The following ATP8B1 variants were observed in gnomAD, a reference collection of about 807,000 sequenced individuals.
ATP8B1 encodes the protein phospholipid-transporting ATPase IC.
ATP8B1 carries 80 observed loss-of-function variants against 149.9 expected under a neutral mutation model. That is an observed-to-expected ratio of 0.53 (90% CI 0.45 to 0.64). The LOEUF (loss-of-function observed/expected upper bound fraction) is 0.64, where lower values mean the gene tolerates loss of function less well. ATP8B1 is among the 30% of genes least tolerant of loss of function. The probability of loss-of-function intolerance (pLI) is 0.00; values close to 1 mark genes in which losing one functional copy is unlikely to be tolerated. For missense variants in ATP8B1, 1,247 were observed against 1,552.6 expected (o/e 0.80, Z 3.31); for synonymous variants, 536 against 562.8 (o/e 0.95, Z 0.67).
Position 57,802,238 on chromosome 18 carries a change from A to G in ATP8B1, c.-26+760T>C, listed in dbSNP as rs905655366. 2.6e-5 allele frequency among the ~76,000 whole-genome samples: 4 copies of G among 152,110 alleles called. No homozygotes were observed. The highest frequency in any genetic ancestry group is 4.4e-5 in the Non-Finnish European group (3 of 68,010). On this transcript the variant is annotated intron_variant, in intron 1 of 27. Coordinates refer to ENST00000648908, the MANE Select transcript of ATP8B1 (RefSeq NM_001374385.1). This position sits in a 1 kb window ranked among gnomAD's most constrained non-coding sequence, Gnocchi z 4.9. ...TCTGCAACATCTCCCCGCGCCCCCCAACAAGTTGCCCCTCCTCGTGCACAC... is the reference window on the plus strand; with the variant it reads ...TCTGCAACATCTCCCCGCGCCCCCCGACAAGTTGCCCCTCCTCGTGCACAC...
intron 15 of ATP8B1, among the ~76,000 whole-genome samples, chr18:57,681,134 A>G (rs1472119022): frequency 1.3e-5 from 2 of 152,174 alleles, no homozygotes; most frequent in South Asian, 2.1e-4. Flanking sequence ...TCTTGGGGAG[A>G]GACTTGGAGC....
At chr18:57,723,101 AAAT>A (rs1223750934) in intron 2 of ATP8B1, among the ~76,000 whole-genome samples, 1 of 151,428 alleles carries the variant, frequency 6.6e-6, no homozygotes, top group Non-Finnish European at 1.5e-5. Flanking sequence ...ACGTATTTCA[AAAT>A]AATAAGAGCT....
chr18:57,763,805 C>T lies in ATP8B1; in HGVS notation c.-25-31973G>A, dbSNP rs572091968. On this transcript the variant is annotated intron_variant, in intron 1 of 27. Coordinates refer to ENST00000648908, the MANE Select transcript of ATP8B1 (RefSeq NM_001374385.1). ...TCCTTCCACTCCTCCTTCAGTGTGCCGAAGAGATACTGAGTTCTTCCAGAT... is the reference window on the plus strand; with the variant it reads ...TCCTTCCACTCCTCCTTCAGTGTGCTGAAGAGATACTGAGTTCTTCCAGAT... Among the ~76,000 whole-genome samples, 12 of 152,176 alleles carry T rather than the reference C, an allele frequency of 7.9e-5. No homozygotes were observed. The South Asian group carries it at 1.9e-3, about 24-fold the overall frequency.
chr18:57,714,221 G>T (rs1319209805), intron 2 of ATP8B1, among the ~76,000 whole-genome samples: 1 of 152,198 alleles, frequency 6.6e-6, no homozygotes, highest in Non-Finnish European at 1.5e-5. Flanking sequence ...CAGAATAGTG[G>T]AAAGGACTGG....
At chr18:57,739,894 A>G (rs948462846) in intron 1 of ATP8B1, among the ~76,000 whole-genome samples, 6 of 152,216 alleles carry the variant, frequency 3.9e-5, no homozygotes, top group African/African-American at 1.4e-4. Context: ...GTCCATCACT[A>G]GCACCTACCA....
At chr18:57,773,200 TTAAAAAAA>T (rs2080278388) in intron 1 of ATP8B1, among the ~76,000 whole-genome samples, 1 of 125,574 alleles carries the variant, frequency 8.0e-6, no homozygotes, top group Non-Finnish European at 1.6e-5. Flanking sequence ...AGACTCTGTC[TTAAAAAAA>T]AAAAAAAAAA....
intron 9 of ATP8B1, 46 bp from the exon 10 acceptor site, chr18:57,695,375 T>G: frequency 1.3e-6 from 2 of 1,591,778 alleles, no homozygotes; most frequent in Non-Finnish European, 1.7e-6. Flanking sequence ...TACAAAAGTC[T>G]TTCTGGTTTT....
At chr18:57,712,521 GTCA>G (rs143161301) in intron 2 of ATP8B1, among the ~76,000 whole-genome samples, 1,891 of 152,176 alleles carry the variant, frequency 0.012, 38 homozygotes, top group African/African-American at 0.043. Context: ...GGCAAACCTC[GTCA>G]CCGAGGGCCA....
chr18:57,760,988 C>CAAATA (rs56052214), intron 1 of ATP8B1, among the ~76,000 whole-genome samples: 30 of 138,916 alleles, frequency 2.2e-4, no homozygotes, highest in Admixed American at 8.0e-4. Context: ...GACTCTGTCT[C>CAAATA]AAATAAAATA....
intron 1 of ATP8B1, among the ~76,000 whole-genome samples, chr18:57,743,142 T>C (rs1273558266): frequency 2.0e-5 from 3 of 152,224 alleles, no homozygotes; most frequent in Non-Finnish European, 2.9e-5. Context: ...TGTCATTACC[T>C]TCTTACTAAT....
chr18:57,706,652 G>A (rs1013142129), intron 2 of ATP8B1, 65 bp from the exon 3 acceptor site: 29 of 1,298,848 alleles, frequency 2.2e-5, no homozygotes, highest in Non-Finnish European at 2.9e-5. Context: ...GTTGAATTGT[G>A]TCTTCCCCAG....
intron 1 of ATP8B1, among the ~76,000 whole-genome samples, chr18:57,768,386 C>CAAAAAAAAAAAAAAAAAAAAAAAAA (rs145660399): frequency 1.5e-5 from 1 of 68,178 alleles, no homozygotes; most frequent in African/African-American, 6.2e-5. Context: ...GACCCTGTCT[C>CAAAAAAAAAAAAAAAAAAAAAAAAA]AAAAAAAAAA....
At chr18:57,672,637 C>T (rs1042948760) in intron 16 of ATP8B1, among the ~76,000 whole-genome samples, 13 of 151,798 alleles carry the variant, frequency 8.6e-5, no homozygotes, top group African/African-American at 2.2e-4. Flanking sequence ...GAGGCCAAGG[C>T]GGGCCAGTCA....
intron 2 of ATP8B1, among the ~76,000 whole-genome samples, chr18:57,709,852 G>A (rs987132313): frequency 1.8e-4 from 28 of 151,708 alleles, no homozygotes; most frequent in African/African-American, 6.3e-4. Context: ...GCTAATTTTT[G>A]TATTTTTAGT....
At chr18:57,694,294 A>G (rs1912690549) in intron 11 of ATP8B1, among the ~76,000 whole-genome samples, 1 of 152,064 alleles carries the variant, frequency 6.6e-6, no homozygotes, top group Non-Finnish European at 1.5e-5. Context: ...TAATTTATCT[A>G]GGGCTTCCTG....
chr18:57,797,709 T>C (rs1303372705), intron 1 of ATP8B1, among the ~76,000 whole-genome samples: 23 of 139,378 alleles, frequency 1.7e-4, no homozygotes, highest in African/African-American at 4.8e-4. Flanking sequence ...CTTTCTTTTT[T>C]TTTTTTTTTT....
intron 15 of ATP8B1, among the ~76,000 whole-genome samples, chr18:57,676,883 G>A (rs1463563972): frequency 2.0e-5 from 3 of 152,044 alleles, no homozygotes; most frequent in Admixed American, 6.6e-5. Context: ...TCAGTGGCAC[G>A]TGCCTATAAT....
intron 27 of ATP8B1, 72 bp downstream of exon 27, chr18:57,650,295 G>C: frequency 6.3e-7 from 1 of 1,575,702 alleles, no homozygotes; most frequent in Admixed American, 1.7e-5. Context: ...GAATTTTGCA[G>C]GAAACGTGCT....
intron 6 of ATP8B1, 89 bp downstream of exon 6, chr18:57,700,950 T>C (rs1913086780): frequency 1.5e-6 from 2 of 1,330,426 alleles, no homozygotes. Context: ...CTAATAGCCT[T>C]CTACATTGTA....
Sources: gnomAD v4.1 joint callset for allele counts (sites outside exome capture counted in the v4.1 genomes callset) on GRCh38, gnomAD v4.1.1 for gene constraint, Gnocchi (gnomAD v3.1) non-coding constraint, MANE v1.5 for transcripts, NCBI Gene and HGNC (gene_info 2026-07-23, HGNC 2026-07-21) for gene names.